The following MIPOL1 variants were observed in gnomAD, a reference collection of about 807,000 sequenced individuals.
MIPOL1 encodes the protein mirror-image polydactyly gene 1 protein.
Under a neutral mutation model 60.9 loss-of-function variants are expected in MIPOL1, and 57 were observed. The ratio of observed to expected loss-of-function variants is 0.94; its 90% confidence interval spans 0.76 to 1.17. The LOEUF (loss-of-function observed/expected upper bound fraction) is 1.17. MIPOL1 is among the 50% of genes most tolerant of loss of function. The pLI is 0.00. For synonymous variants in MIPOL1, 179 were observed against 168.8 expected, an observed-to-expected ratio of 1.06 and a Z score of -0.47; for missense variants, 551 against 511.6, an observed-to-expected ratio of 1.08 and a Z score of -0.74.
At chr14:37,342,440 C>G (rs570704594) in intron 9 of MIPOL1, among the ~76,000 whole-genome samples, 6 of 151,252 alleles carry the variant, frequency 4.0e-5, no homozygotes, top group Non-Finnish European at 8.8e-5. Flanking sequence ...CTCTGTCACC[C>G]GGGCTGGAGT....
chr14:37,364,010 A>AAAGC, intron 9 of MIPOL1, among the ~76,000 whole-genome samples: 1 of 152,116 alleles, frequency 6.6e-6, no homozygotes, highest in African/African-American at 2.4e-5. Context: ...TTTGGGCCGG[A>AAAGC]ATGTCCCATT....
chr14:37,333,704 A>G lies in MIPOL1; in HGVS notation c.828+25185A>G, dbSNP rs1278500031. 2.0e-5 allele frequency among the ~76,000 whole-genome samples: 3 copies of G among 152,122 alleles called. No homozygotes were observed. The South Asian group carries it at 6.2e-4, about 31-fold the overall frequency. ...ACAATTCTAAGTGAATATATAAATAATAGCAGATCATCAAAGTACAAGAAG... is the reference window on the plus strand; with the variant it reads ...ACAATTCTAAGTGAATATATAAATAGTAGCAGATCATCAAAGTACAAGAAG... On this transcript the variant is annotated intron_variant, in intron 9 of 12. Coordinates refer to ENST00000684589, the MANE Select transcript of MIPOL1 (RefSeq NM_001388067.1).
chr14:37,395,097 TATTCTGTTCC>T (rs1566514003), intron 10 of MIPOL1, among the ~76,000 whole-genome samples: 1 of 152,202 alleles, frequency 6.6e-6, no homozygotes, highest in Non-Finnish European at 1.5e-5. Context: ...ATGGGTTCTC[TATTCTGTTCC>T]ATTGGTCTAA....
At position 37,348,543 on chromosome 14, in the gene MIPOL1, C is replaced by A. The variant is rs568329699; in HGVS notation, c.829-20974C>A. ...ACAGAAGGGGAGTGGGACAGGTCAGCAAACTAGGAATAAAAAATAATGTCC... is the reference window on the plus strand; with the variant it reads ...ACAGAAGGGGAGTGGGACAGGTCAGAAAACTAGGAATAAAAAATAATGTCC... On this transcript the variant is annotated intron_variant, in intron 9 of 12. Transcript: ENST00000684589. Among the ~76,000 whole-genome samples the A allele has an allele frequency of 8.6e-4, 131 of 151,928 alleles. 1 individual carries two copies. The highest frequency in any genetic ancestry group is 3.1e-3 in the African/African-American group (127 of 41,464).
chr14:37,250,157 A>T (rs982658249), intron 3 of MIPOL1, among the ~76,000 whole-genome samples: 3 of 152,224 alleles, frequency 2.0e-5, no homozygotes, highest in Non-Finnish European at 4.4e-5. Context: ...GACATGACTG[A>T]TACAGCATTA....
At chr14:37,238,480 T>C (rs1364471426) in intron 1 of MIPOL1, among the ~76,000 whole-genome samples, 4 of 152,212 alleles carry the variant, frequency 2.6e-5, no homozygotes, top group African/African-American at 2.4e-5. Context: ...TTAATAGTTA[T>C]GACAGGATAA....
intron 12 of MIPOL1, among the ~76,000 whole-genome samples, chr14:37,530,596 A>C (rs1010101928): frequency 6.6e-6 from 1 of 152,170 alleles, no homozygotes; most frequent in African/African-American, 2.4e-5. Flanking sequence ...GATAAAGATT[A>C]TTCATAAGAG....
intron 10 of MIPOL1, among the ~76,000 whole-genome samples, chr14:37,374,227 G>A (rs1394416403): frequency 6.6e-6 from 1 of 152,062 alleles, no homozygotes; most frequent in African/African-American, 2.4e-5. Context: ...TTTTGATGGG[G>A]TTGTTTGTTT....
At chr14:37,540,441 A>G (rs2095525099) in intron 12 of MIPOL1, among the ~76,000 whole-genome samples, 1 of 152,166 alleles carries the variant, frequency 6.6e-6, no homozygotes, top group Admixed American at 6.5e-5. Flanking sequence ...CTGCATATGT[A>G]CATTTTTATA....
At chr14:37,526,933 T>C (rs1313466587) in intron 12 of MIPOL1, among the ~76,000 whole-genome samples, 1 of 152,182 alleles carries the variant, frequency 6.6e-6, no homozygotes, top group Non-Finnish European at 1.5e-5. Context: ...CATTCACTAC[T>C]ATTGAGTAAG....
chr14:37,493,258 A>T (rs1374752668), intron 11 of MIPOL1, among the ~76,000 whole-genome samples: 1 of 152,210 alleles, frequency 6.6e-6, no homozygotes, highest in Non-Finnish European at 1.5e-5. Context: ...ATTACAATTA[A>T]GATAGAGTTC....
chr14:37,211,256 CA>C (rs200479948), intron 1 of MIPOL1, among the ~76,000 whole-genome samples: 1,399 of 138,056 alleles, frequency 0.01, 12 homozygotes, highest in Admixed American at 0.016. Context: ...TCACGAGAGC[CA>C]AAAATCAAGT....
At chr14:37,526,583 G>A (rs1419441551) in intron 12 of MIPOL1, among the ~76,000 whole-genome samples, 3 of 145,966 alleles carry the variant, frequency 2.1e-5, no homozygotes, top group Admixed American at 6.9e-5. Flanking sequence ...GGGTTTCACC[G>A]TTTTAGCCAG....
At chr14:37,369,453 A>G (rs1407834457) in intron 9 of MIPOL1, 64 bp from the exon 10 acceptor site, 1 of 1,154,900 alleles carries the variant, frequency 8.7e-7, no homozygotes, top group Non-Finnish European at 1.3e-6. Flanking sequence ...ACATTAATTC[A>G]TGTGGCTTGG....
chr14:37,365,150 C>G (rs2092426259), intron 9 of MIPOL1, among the ~76,000 whole-genome samples: 1 of 152,156 alleles, frequency 6.6e-6, no homozygotes, highest in Non-Finnish European at 1.5e-5. Flanking sequence ...ATATCATCTG[C>G]AAACAAGGAT....
chr14:37,346,111 A>G (rs1003393175), intron 9 of MIPOL1, among the ~76,000 whole-genome samples: 8 of 152,196 alleles, frequency 5.3e-5, no homozygotes, highest in Middle Eastern at 3.4e-3. Flanking sequence ...AGACAGATCA[A>G]TTGAGGTCAG....
chr14:37,540,552 G>A (rs2095525731), intron 12 of MIPOL1, among the ~76,000 whole-genome samples: 1 of 152,112 alleles, frequency 6.6e-6, no homozygotes, highest in Non-Finnish European at 1.5e-5. Context: ...ATGGAGGAAT[G>A]GGTAAGCCGA....
chr14:37,435,454 T>A (rs1390809264), intron 11 of MIPOL1, among the ~76,000 whole-genome samples: 2 of 152,178 alleles, frequency 1.3e-5, no homozygotes, highest in African/African-American at 2.4e-5. Flanking sequence ...TATTATTATT[T>A]TTTTTCATAA....
At chr14:37,363,916 C>T (rs911947641) in intron 9 of MIPOL1, among the ~76,000 whole-genome samples, 6 of 152,220 alleles carry the variant, frequency 3.9e-5, no homozygotes, top group African/African-American at 1.4e-4. Flanking sequence ...GAGCCATGTT[C>T]CGTGGGCATG....
Sources: gnomAD v4.1 joint callset for allele counts (sites outside exome capture counted in the v4.1 genomes callset) on GRCh38, gnomAD v4.1.1 for gene constraint, MANE v1.5 for transcripts, NCBI Gene and HGNC (gene_info 2026-07-23, HGNC 2026-07-21) for gene names.